The following CEP192 variants were observed in gnomAD, a reference collection of about 807,000 sequenced individuals.
The protein encoded by CEP192 is centrosomal protein of 192 kDa.
In CEP192, 151 loss-of-function variants were observed where a neutral mutation model predicts 271.8. That is an observed-to-expected ratio of 0.56 (90% CI 0.49 to 0.64). CEP192 has a LOEUF of 0.64. Among genes scored for constraint, CEP192 ranks in the 30% least tolerant of loss-of-function variants. The pLI is 0.00. For synonymous variants in CEP192, 995 were observed against 1,076.5 expected (o/e 0.92, Z 1.48); for missense variants, 2,910 against 3,020.5 (o/e 0.96, Z 0.86).
chr18:13,062,599 A>C (rs559034032), intron 21 of CEP192, among the ~76,000 whole-genome samples: 2 of 151,942 alleles, frequency 1.3e-5, no homozygotes, highest in African/African-American at 2.4e-5. Flanking sequence ...TTATTTAAAA[A>C]ATTTTTTGTG....
chr18:13,005,677 GCT>G (rs2033937374), intron 3 of CEP192, among the ~76,000 whole-genome samples: 1 of 152,184 alleles, frequency 6.6e-6, no homozygotes, highest in South Asian at 2.1e-4. Context: ...GCCCTGAGTT[GCT>G]GGTCTGAGTA....
At position 13,049,808 on chromosome 18, in the gene CEP192, G is replaced by C; in HGVS notation, c.2934G>C (p.Glu978Asp). 1 of 1,613,628 alleles carries C rather than the reference G, an allele frequency of 6.2e-7. No individual in the cohort carries two copies. The highest frequency in any genetic ancestry group is 1.1e-5 in the South Asian group (1 of 91,066). ...TSPEHGGRGS[E>D]DEQESFRPST... ...CTGAGCATGGTGGACGTGGCTCAGA[G>C]GATGAGCAGGAGAGCTTCAGACCTT... The change falls in exon 17 of 45, where the codon GAG becomes GAC. Residue 978 changes from glutamate (E) to aspartate (D), a missense_variant. Coordinates refer to ENST00000506447, the MANE Select transcript of CEP192 (RefSeq NM_032142.4).
In CEP192 at chr18:13,067,893, C is replaced by T. The variant is rs776621342; in HGVS notation, c.4551C>T (p.Ala1517=). The change falls in exon 22 of 45, where the codon GCC becomes GCT. Residue 1517 remains alanine, a synonymous_variant. Coordinates refer to ENST00000506447, the MANE Select transcript of CEP192 (RefSeq NM_032142.4). The part of the protein sequence containing the change: ...FGDLTYGGWK[A]LPLKLINRTH... Reference sequence around the variant, plus strand: ...ACTTGACTTATGGAGGCTGGAAAGCCCTCCCACTAAAATTGATAAACCGAA... The same window carrying T: ...ACTTGACTTATGGAGGCTGGAAAGCTCTCCCACTAAAATTGATAAACCGAA... 4.3e-6 allele frequency: 7 copies of T among 1,612,374 alleles called. No homozygotes were observed. The highest frequency in any genetic ancestry group is 3.3e-5 in the Admixed American group (2 of 59,986).
At chr18:13,059,377 A>C (rs117548743) in intron 21 of CEP192, 65 bp downstream of exon 21, 36,453 of 1,363,874 alleles carry the variant, frequency 0.027, 691 homozygotes, top group Non-Finnish European at 0.03. Context: ...TAACCTTAGA[A>C]GTAAAATTTG....
chr18:13,018,289 C>G (rs979428601), intron 7 of CEP192, among the ~76,000 whole-genome samples, 191 bp from the exon 8 acceptor site: 3 of 152,162 alleles, frequency 2.0e-5, no homozygotes, highest in Non-Finnish European at 4.4e-5. Flanking sequence ...TCCCCGGCAA[C>G]TCTTCACTAG....
At position 13,113,696 on chromosome 18, in the gene CEP192, C is replaced by A. The variant is rs2040308820; in HGVS notation, c.7158C>A (p.Leu2386=). ...PHMKHTLRFQ[L]SGQSIEAENE... is the part of the protein sequence containing the mutation. Reference sequence around the variant, plus strand: ...TGAAACACACGTTGAGATTCCAACTCTCTGGACAAGTGAGTAGTACACTGA... The same window carrying A: ...TGAAACACACGTTGAGATTCCAACTATCTGGACAAGTGAGTAGTACACTGA... The change falls in exon 41 of 45, where the codon CTC becomes CTA. Residue 2386 remains leucine, a synonymous_variant. Coordinates refer to ENST00000506447, the MANE Select transcript of CEP192 (RefSeq NM_032142.4). 1 of 1,610,690 alleles carries A rather than the reference C, an allele frequency of 6.2e-7. No homozygotes were observed.
intron 44 of CEP192, 87 bp from the exon 45 acceptor site, chr18:13,124,545 A>T (rs1213379345): frequency 2.0e-5 from 27 of 1,333,736 alleles, no homozygotes; most frequent in African/African-American, 1.4e-5. Flanking sequence ...CTCTTTCCTC[A>T]ACACCTGAGC....
At chr18:13,104,387 C>T (rs2039857028) in intron 39 of CEP192, among the ~76,000 whole-genome samples, 1 of 152,132 alleles carries the variant, frequency 6.6e-6, no homozygotes, top group African/African-American at 2.4e-5. Flanking sequence ...GTGTTTAGAA[C>T]ACTGTGGTCT....
Position 13,057,597 on chromosome 18 carries a change from T to G in CEP192, c.4121T>G (p.Val1374Gly). 7 of 1,614,104 alleles carry G rather than the reference T, an allele frequency of 4.3e-6. No homozygotes were observed. Among genetic ancestry groups the G allele is most frequent in the Non-Finnish European group, 5.9e-6 (7 of 1,179,980 alleles). Residue 1374 changes from valine to glycine, a missense_variant, in exon 20 of 45, where the codon GTG (valine) becomes GGG (glycine). Coordinates refer to ENST00000506447, the MANE Select transcript of CEP192 (RefSeq NM_032142.4). ...TATTCTCACCCAGGGAGTGTCCGAG[T>G]GCCCGAGGAGTTGAAGCTTCCTCAT... is the stretch of plus-strand genomic sequence containing the variant. Reference protein sequence around the residue: ...GVTSGLGSVRVPEELKLPHAC... With the variant: ...GVTSGLGSVRGPEELKLPHAC...
At chr18:13,091,890 G>A (rs2039163626) in intron 33 of CEP192, among the ~76,000 whole-genome samples, 1 of 152,004 alleles carries the variant, frequency 6.6e-6, no homozygotes, top group Non-Finnish European at 1.5e-5. Flanking sequence ...TAATTTCTGT[G>A]CTTCAGATTT....
chr18:13,018,660 GACTTT>G (rs922610527), intron 8 of CEP192, 45 bp downstream of exon 8: 3 of 1,337,728 alleles, frequency 2.2e-6, no homozygotes, highest in Non-Finnish European at 3.0e-6. Flanking sequence ...TTCTAGTTTT[GACTTT>G]ACTTTTTTTA....
intron 41 of CEP192, among the ~76,000 whole-genome samples, 176 bp from the exon 42 acceptor site, chr18:13,113,954 A>G (rs926337898): frequency 6.6e-6 from 1 of 152,242 alleles, no homozygotes; most frequent in Non-Finnish European, 1.5e-5. Context: ...ACATGGGCAC[A>G]TGAGAGAGAG....
intron 32 of CEP192, chr18:13,088,644 TAGAA>T (rs2039003266): frequency 5.4e-6 from 1 of 184,160 alleles, no homozygotes; most frequent in South Asian, 1.1e-4. Context: ...AAAAAATAAT[TAGAA>T]AGGGGGTGTG....
intron 40 of CEP192, among the ~76,000 whole-genome samples, chr18:13,108,531 G>A (rs367587535): frequency 1.3e-5 from 2 of 152,122 alleles, no homozygotes; most frequent in African/African-American, 4.8e-5. Flanking sequence ...AGACATACAA[G>A]CAGCCAACAA....
At chr18:13,100,591 G>T in intron 38 of CEP192, 79 bp downstream of exon 38, 1 of 1,147,550 alleles carries the variant, frequency 8.7e-7, no homozygotes, top group Non-Finnish European at 1.3e-6. Flanking sequence ...CCATAAGTTG[G>T]TGATAAATAT....
intron 1 of CEP192, among the ~76,000 whole-genome samples, chr18:12,998,808 G>A (rs144780093): frequency 7.4e-4 from 112 of 152,198 alleles, no homozygotes; most frequent in Non-Finnish European, 1.1e-3. Flanking sequence ...TCAGAGCACC[G>A]TGGTCAGGTT....
chr18:13,030,328 T>C (rs2035544819), intron 10 of CEP192, 137 bp from the exon 11 acceptor site: 1 of 754,578 alleles, frequency 1.3e-6, no homozygotes, highest in Non-Finnish European at 2.0e-6. Context: ...TGGGTTTTCC[T>C]TTTTCTAACT....
At chr18:13,031,478 A>C (rs1158662939) in intron 11 of CEP192, among the ~76,000 whole-genome samples, 3 of 151,538 alleles carry the variant, frequency 2.0e-5, no homozygotes, top group Non-Finnish European at 4.4e-5. Flanking sequence ...CGATCTCCTG[A>C]CCTCGTGATC....
chr18:13,099,638 A>G, intron 37 of CEP192, 57 bp downstream of exon 37: 1 of 832,864 alleles, frequency 1.2e-6, no homozygotes, highest in Non-Finnish European at 2.0e-6. Context: ...TTGTAGCTTC[A>G]GTTTTATAAT....
Sources: allele counts gnomAD v4.1 joint callset (sites outside exome capture counted in the v4.1 genomes callset), GRCh38; gene constraint gnomAD v4.1.1; transcripts MANE v1.5; gene names NCBI Gene and HGNC (gene_info 2026-07-23, HGNC 2026-07-21).